The following GRIP1 variants were observed in gnomAD, a reference collection of about 807,000 sequenced individuals.
The protein encoded by GRIP1 is glutamate receptor-interacting protein 1.
Under a neutral mutation model 129.9 loss-of-function variants are expected in GRIP1, and 45 were observed. The ratio of observed to expected loss-of-function variants is 0.35; its 90% CI spans 0.27 to 0.44. GRIP1 has a LOEUF of 0.44. Among genes scored for constraint, GRIP1 ranks in the 20% least tolerant of loss-of-function variants. The pLI is 1.00. For missense variants in GRIP1, 1,196 were observed against 1,396.8 expected (o/e 0.86, Z 2.29); for synonymous variants, 530 against 520.8 (o/e 1.02, Z -0.24).
chr12:66,906,004 G>C (rs2040925737), intron 1 of GRIP1, among the ~76,000 whole-genome samples: 1 of 152,080 alleles, frequency 6.6e-6, no homozygotes, highest in Non-Finnish European at 1.5e-5. Context: ...ACAAAAAAAA[G>C]GATGTATTAA....
chr12:66,418,843 T>G (rs973057938), intron 15 of GRIP1, among the ~76,000 whole-genome samples: 1 of 152,154 alleles, frequency 6.6e-6, no homozygotes, highest in Admixed American at 6.5e-5. Flanking sequence ...ACACTGTTGA[T>G]GGGAATGTAA....
At chr12:67,029,265 G>C (rs1485214463) in intron 1 of GRIP1, among the ~76,000 whole-genome samples, 1 of 151,998 alleles carries the variant, frequency 6.6e-6, no homozygotes, top group Non-Finnish European at 1.5e-5. Context: ...TAATTTTTTG[G>C]AGTCATGTTG....
intron 1 of GRIP1, among the ~76,000 whole-genome samples, chr12:66,847,022 A>G (rs1256180584): frequency 6.6e-6 from 1 of 152,156 alleles, no homozygotes; most frequent in South Asian, 2.1e-4. Context: ...CCAGAGTAGG[A>G]AAGTCCAATA....
At chr12:66,927,294 G>T (rs1413648380) in intron 1 of GRIP1, among the ~76,000 whole-genome samples, 3 of 152,146 alleles carry the variant, frequency 2.0e-5, no homozygotes, top group Admixed American at 2.0e-4. Flanking sequence ...CAATAAGTAT[G>T]TGTGGTATGC....
chr12:66,640,062 G>C (rs1315235537), intron 1 of GRIP1, among the ~76,000 whole-genome samples: 2 of 152,108 alleles, frequency 1.3e-5, no homozygotes, highest in African/African-American at 4.8e-5. Flanking sequence ...TCAAAATTCA[G>C]CTGAAGGGTC....
At chr12:66,771,982 G>A (rs994502189) in intron 1 of GRIP1, among the ~76,000 whole-genome samples, 14 of 152,150 alleles carry the variant, frequency 9.2e-5, no homozygotes, top group African/African-American at 2.9e-4. Context: ...TAATAAATAT[G>A]GTGATAATAA....
intron 2 of GRIP1, among the ~76,000 whole-genome samples, chr12:66,577,829 C>T (rs1565878917): frequency 6.6e-6 from 1 of 152,078 alleles, no homozygotes; most frequent in African/African-American, 2.4e-5. Context: ...GTGGCATGTG[C>T]CTGTGGTCTC....
At chr12:66,583,115 C>T (rs1344032790) in intron 2 of GRIP1, among the ~76,000 whole-genome samples, 49 of 151,736 alleles carry the variant, frequency 3.2e-4, no homozygotes, top group Middle Eastern at 3.4e-3. Context: ...TATCTACAAC[C>T]ATCTGATCTT....
intron 7 of GRIP1, among the ~76,000 whole-genome samples, chr12:66,469,447 G>A (rs1259400715): frequency 6.6e-6 from 1 of 152,108 alleles, no homozygotes; most frequent in Admixed American, 6.5e-5. Context: ...ATGAAGGTGG[G>A]ATAAAAATCC....
intron 20 of GRIP1, among the ~76,000 whole-genome samples, chr12:66,378,636 A>G (rs1293742315): frequency 1.3e-5 from 2 of 150,058 alleles, no homozygotes; most frequent in East Asian, 3.9e-4. Context: ...AATCCCAGCT[A>G]CTCGGGAGGC....
At chr12:67,025,601 T>C (rs2042931381) in intron 1 of GRIP1, among the ~76,000 whole-genome samples, 1 of 152,272 alleles carries the variant, frequency 6.6e-6, no homozygotes, top group South Asian at 2.1e-4. Context: ...GTTCATTACC[T>C]TTAGTATCTC....
At chr12:66,844,171 T>C (rs950790457) in intron 1 of GRIP1, among the ~76,000 whole-genome samples, 1 of 152,154 alleles carries the variant, frequency 6.6e-6, no homozygotes, top group African/African-American at 2.4e-5. Flanking sequence ...GATATACAAA[T>C]GGCCAATTAG....
intron 1 of GRIP1, among the ~76,000 whole-genome samples, chr12:66,713,483 C>A (rs2035774189): frequency 6.6e-6 from 1 of 151,866 alleles, no homozygotes; most frequent in African/African-American, 2.4e-5. Context: ...TCTTGGGGTC[C>A]CCCTCAGAAC....
chr12:67,046,525 CATA>C (rs2043257012), intron 1 of GRIP1, among the ~76,000 whole-genome samples: 3 of 152,152 alleles, frequency 2.0e-5, no homozygotes, highest in Admixed American at 6.5e-5. Flanking sequence ...TTACATAGAA[CATA>C]ATAATAACCT....
At chr12:67,064,599 TG>T (rs34755408) in intron 1 of GRIP1, among the ~76,000 whole-genome samples, 1 of 152,196 alleles carries the variant, frequency 6.6e-6, no homozygotes, top group East Asian at 1.9e-4. Flanking sequence ...CTTTGTTCCT[TG>T]GGAAAAAGTC....
At chr12:66,562,245 C>T (rs545714611) in intron 2 of GRIP1, among the ~76,000 whole-genome samples, 1 of 152,256 alleles carries the variant, frequency 6.6e-6, no homozygotes, top group East Asian at 1.9e-4. Flanking sequence ...TGAAATAAAT[C>T]AGTCAAGGTG....
chr12:66,883,829 G>T (rs971530232), intron 1 of GRIP1, among the ~76,000 whole-genome samples: 17 of 152,194 alleles, frequency 1.1e-4, no homozygotes, highest in African/African-American at 4.1e-4. Flanking sequence ...TGGGACCTTG[G>T]TCAAGTTGTT....
chr12:66,391,399 A>G (rs2056580634), intron 19 of GRIP1, among the ~76,000 whole-genome samples: 1 of 152,196 alleles, frequency 6.6e-6, no homozygotes. Context: ...AAAAGAAGCT[A>G]TTAGTTTATG....
chr12:66,527,778 G>C (rs146482600), intron 5 of GRIP1, among the ~76,000 whole-genome samples: 1 of 152,104 alleles, frequency 6.6e-6, no homozygotes, highest in Non-Finnish European at 1.5e-5. Flanking sequence ...ACACAAAGAA[G>C]GGAACAACAG....
Sources: allele counts gnomAD v4.1 joint callset (sites outside exome capture counted in the v4.1 genomes callset), GRCh38; gene constraint gnomAD v4.1.1; transcripts MANE v1.5; gene names NCBI Gene and HGNC (gene_info 2026-07-23, HGNC 2026-07-21).